BMPR1B: variants seen among roughly 807,000 people sequenced by gnomAD.
BMPR1B encodes bone morphogenetic protein receptor type 1B.
In BMPR1B, 12 loss-of-function variants were observed where a neutral mutation model predicts 59.1. The observed-to-expected ratio is 0.20, with a 90% CI of 0.13 to 0.33. The LOEUF (loss-of-function observed/expected upper bound fraction) is 0.33, where lower values mean the gene tolerates loss of function less well. BMPR1B is among the 10% of genes least tolerant of loss of function. The pLI is 1.00. For missense variants in BMPR1B, 550 were observed against 610.9 expected, an observed-to-expected ratio of 0.90 and a Z score of 1.05; for synonymous variants, 237 against 207.3, an observed-to-expected ratio of 1.14 and a Z score of -1.23.
chr4:95,094,380 A>C (rs1730215643), intron 3 of BMPR1B, among the ~76,000 whole-genome samples: 1 of 152,056 alleles, frequency 6.6e-6, no homozygotes, highest in Admixed American at 6.6e-5. Context: ...ATGAAGCAAA[A>C]GAAAGAGGAA....
intron 2 of BMPR1B, among the ~76,000 whole-genome samples, chr4:94,903,077 G>A (rs1727892967): frequency 6.6e-6 from 1 of 151,990 alleles, no homozygotes; most frequent in East Asian, 1.9e-4. Flanking sequence ...TAGCCTGTTA[G>A]TTTATGTATG....
At chr4:94,918,704 CT>C (rs1414889451) in intron 2 of BMPR1B, among the ~76,000 whole-genome samples, 1 of 151,902 alleles carries the variant, frequency 6.6e-6, no homozygotes, top group Non-Finnish European at 1.5e-5. Context: ...AATGAAGCTT[CT>C]ATCTTTAAAC....
intron 10 of BMPR1B, among the ~76,000 whole-genome samples, chr4:95,133,561 T>C (rs1238078457): frequency 1.3e-5 from 2 of 152,146 alleles, no homozygotes; most frequent in Non-Finnish European, 2.9e-5. Context: ...GTTTCTTCCT[T>C]TGAGACACCT....
chr4:95,031,197 A>G (rs1351579557), intron 3 of BMPR1B, among the ~76,000 whole-genome samples: 3 of 152,184 alleles, frequency 2.0e-5, no homozygotes, highest in African/African-American at 4.8e-5. Context: ...CATTTTCTTA[A>G]TCTATATATC....
chr4:94,884,491 A>G (rs1313239380), intron 2 of BMPR1B, among the ~76,000 whole-genome samples: 1 of 151,918 alleles, frequency 6.6e-6, no homozygotes, highest in African/African-American at 2.4e-5. Flanking sequence ...GTGCCATTGC[A>G]CTCCAGCCTG....
intron 3 of BMPR1B, among the ~76,000 whole-genome samples, chr4:95,001,213 G>C (rs1722422821): frequency 6.6e-6 from 1 of 151,960 alleles, no homozygotes; most frequent in Non-Finnish European, 1.5e-5. Flanking sequence ...ATTTACATAA[G>C]GCCAGTATTT....
At position 95,125,045 on chromosome 4, in the gene BMPR1B, T is replaced by G. The variant is rs1022330839; in HGVS notation, c.509T>G (p.Ile170Ser). The G allele has an allele frequency of 3.3e-5, 54 of 1,613,700 alleles. No homozygotes were observed. The highest frequency in any genetic ancestry group is 4.2e-5 in the Non-Finnish European group (50 of 1,179,682). The change falls in exon 8 of 13, where the codon ATT becomes AGT. Residue 170 changes from isoleucine to serine, a missense_variant. Ile to Ser is a moderately radical substitution (Grantham distance 142). This residue lies in a region of BMPR1B where 318 missense variants were observed against 284.6 expected (regional missense o/e 1.12). Coordinates refer to ENST00000515059, the MANE Select transcript of BMPR1B (RefSeq NM_001203.3). ...GGGTTAGAACAGGATGAAACTTACA[T>G]TCCTCCTGGAGAATCCCTGAGAGAC... Reference protein sequence around the residue: ...SIGLEQDETYIPPGESLRDLI... With the variant: ...SIGLEQDETYSPPGESLRDLI...
Position 95,148,844 on chromosome 4 carries a change from C to T in BMPR1B, c.1173C>T (p.His391=). Residue 391 remains histidine, a synonymous_variant, in exon 11 of 13, where the codon CAC becomes CAT. Transcript: ENST00000515059. ...TGGACGAGAGCTTGAACAGAAATCACTTCCAGTCTTACATCATGGCTGACA... is the reference window on the plus strand; with the variant it reads ...TGGACGAGAGCTTGAACAGAAATCATTTCCAGTCTTACATCATGGCTGACA... The part of the protein sequence containing the change: ...EVLDESLNRN[H]FQSYIMADMY... 1.9e-6 allele frequency: 3 copies of T among 1,614,102 alleles called. No individual in the cohort carries two copies. The highest frequency in any genetic ancestry group is 1.3e-5 in the African/African-American group (1 of 75,046).
At chr4:95,024,394 A>G (rs977680812) in intron 3 of BMPR1B, among the ~76,000 whole-genome samples, 2 of 152,158 alleles carry the variant, frequency 1.3e-5, no homozygotes, top group Admixed American at 6.5e-5. Context: ...GAATTCTCCT[A>G]TGTCCTCCTA....
At position 94,934,613 on chromosome 4, in the gene BMPR1B, C is replaced by A. The variant is rs573035561; in HGVS notation, c.-113+58713C>A. ...TAGACTAATTAATTTGTCTACTGCA[C>A]CCCTGACCTGGGAATTGCATACAAT... On this transcript the variant is annotated intron_variant, in intron 2 of 12. Transcript: ENST00000515059. Among the ~76,000 whole-genome samples, 40 of 152,122 alleles carry A rather than the reference C, an allele frequency of 2.6e-4. No individual in the cohort carries two copies. The East Asian group carries it at 5.6e-3, about 21-fold the overall frequency.
At chr4:94,907,097 A>C (rs1728073039) in intron 2 of BMPR1B, among the ~76,000 whole-genome samples, 1 of 152,048 alleles carries the variant, frequency 6.6e-6, no homozygotes. Flanking sequence ...TGGGATGTGC[A>C]ATAGAACAAT....
intron 2 of BMPR1B, among the ~76,000 whole-genome samples, chr4:94,892,604 G>A (rs767187165): frequency 2.0e-5 from 3 of 152,008 alleles, no homozygotes; most frequent in Non-Finnish European, 4.4e-5. Flanking sequence ...ACCCAGTAAA[G>A]AAGTAATTCT....
intron 1 of BMPR1B, among the ~76,000 whole-genome samples, chr4:94,777,508 T>G (rs1722420157): frequency 6.6e-6 from 1 of 152,164 alleles, no homozygotes; most frequent in Non-Finnish European, 1.5e-5. Flanking sequence ...TTTTACTTAA[T>G]AACTATAGGA....
intron 1 of BMPR1B, among the ~76,000 whole-genome samples, chr4:94,827,585 T>C (rs776953874): frequency 6.6e-6 from 1 of 152,116 alleles, no homozygotes; most frequent in Non-Finnish European, 1.5e-5. Flanking sequence ...TTTAAAAAAT[T>C]CTATTAAATA....
At chr4:95,129,839 C>T in intron 8 of BMPR1B, 23 bp from the exon 9 acceptor site, 2 of 1,608,862 alleles carry the variant, frequency 1.2e-6, no homozygotes, top group Non-Finnish European at 1.7e-6. Flanking sequence ...AATACACTAA[C>T]AGTGTGTTTT....
intron 3 of BMPR1B, among the ~76,000 whole-genome samples, chr4:95,070,066 T>C (rs1728159948): frequency 6.6e-6 from 1 of 152,084 alleles, no homozygotes; most frequent in South Asian, 2.1e-4. Flanking sequence ...GCCATTGCAC[T>C]CCAGCCTGGG....
At chr4:94,858,594 A>G (rs1335894904) in intron 1 of BMPR1B, among the ~76,000 whole-genome samples, 1 of 152,138 alleles carries the variant, frequency 6.6e-6, no homozygotes, top group Non-Finnish European at 1.5e-5. Context: ...CAAATAGACC[A>G]AAAAATGGAA....
Position 95,115,553 on chromosome 4 carries a change from T to C in BMPR1B, c.247-132T>C, listed in dbSNP as rs1351561850. 7.7e-6 allele frequency: 6 copies of C among 777,710 alleles called. No individual in the cohort carries two copies. The African/African-American group carries it at 1.0e-4, about 13-fold the overall frequency. The allele number at this position is 777,710 out of a possible 1,614,324, so 48.2% of individuals were successfully genotyped here. A position where few individuals can be genotyped will look rare whatever the true frequency, so the allele number is the denominator to read the frequency against. On this transcript the variant is annotated intron_variant, in intron 5 of 12. Coordinates refer to ENST00000515059, the MANE Select transcript of BMPR1B (RefSeq NM_001203.3). ...AAATTACCTTATAGAGGAGAACATA[T>C]TTAAGGTGTTTGAGTGAAATTGTTA...
At position 95,055,239 on chromosome 4, in the gene BMPR1B, C is replaced by G. The variant is rs112252074; in HGVS notation, c.-17-49169C>G. Among the ~76,000 whole-genome samples the G allele has an allele frequency of 8.4e-3, 1,278 of 152,166 alleles. 7 individuals are homozygous for G. The highest frequency in any genetic ancestry group is 0.013 in the Non-Finnish European group (862 of 67,978). ...AGGTTTCCTATTGTCATATTTATGT[C>G]TGGCCTAGTTGACACTAATTTAAAA... On this transcript the variant is annotated intron_variant, in intron 3 of 12. Transcript: ENST00000515059.
Sources: allele counts gnomAD v4.1 joint callset (sites outside exome capture counted in the v4.1 genomes callset), GRCh38; gene constraint gnomAD v4.1.1; regional missense constraint gnomAD v4.1.1; transcripts MANE v1.5; gene names NCBI Gene and HGNC (gene_info 2026-07-23, HGNC 2026-07-21).